RAB3GAP1: variants seen among roughly 807,000 people sequenced by gnomAD.
The protein encoded by RAB3GAP1 is RAB3 GTPase activating protein catalytic subunit 1, also known as rab3 GTPase-activating protein catalytic subunit.
RAB3GAP1 carries 86 observed loss-of-function variants against 130.7 expected under a neutral mutation model. The ratio of observed to expected loss-of-function variants is 0.66; its 90% CI spans 0.55 to 0.79. The LOEUF is 0.79. Among genes scored for constraint, RAB3GAP1 ranks in the 30% least tolerant of loss-of-function variants. The pLI is 0.00. For missense variants in RAB3GAP1, 1,029 were observed against 1,169.4 expected, an observed-to-expected ratio of 0.88 and a Z score of 1.75; for synonymous variants, 367 against 401.7, an observed-to-expected ratio of 0.91 and a Z score of 1.03.
intron 7 of RAB3GAP1, among the ~76,000 whole-genome samples, chr2:135,119,133 G>A (rs1367947604): frequency 7.8e-6 from 1 of 128,610 alleles, no homozygotes; most frequent in Non-Finnish European, 1.6e-5. Context: ...TTTTGAGACA[G>A]GGCTTCACTC....
chr2:135,120,072 G>C (rs1178356711), intron 7 of RAB3GAP1, among the ~76,000 whole-genome samples: 1 of 152,040 alleles, frequency 6.6e-6, no homozygotes, highest in East Asian at 1.9e-4. Flanking sequence ...GCTTTAATTT[G>C]AGTTTATTTT....
chr2:135,135,435 TAGTC>T (rs1390743744), intron 16 of RAB3GAP1, 116 bp downstream of exon 16: 1 of 1,426,088 alleles, frequency 7.0e-7, no homozygotes, highest in Non-Finnish European at 9.8e-7. Flanking sequence ...AGGTTGCCTA[TAGTC>T]AGTAGTCACT....
rs1164520454 is a variant in RAB3GAP1 at position 135,117,786 on chromosome 2, GCTT to G, written c.648+2427_648+2429del. Among the ~76,000 whole-genome samples, 339 of 119,242 alleles carry G rather than the reference GCTT, an allele frequency of 2.8e-3. 1 individual carries two copies. The highest frequency in any genetic ancestry group is 0.018 in the East Asian group (80 of 4,432). The allele number at this position is 119,242 out of a possible 152,430, so 78.2% of individuals were successfully genotyped here. A position where few individuals can be genotyped will look rare whatever the true frequency, so the allele number is the denominator to read the frequency against. On this transcript the variant is annotated intron_variant, in intron 7 of 23. Coordinates refer to ENST00000264158, the MANE Select transcript of RAB3GAP1 (RefSeq NM_012233.3). ...TTCTGCTGCTTCTTCTGCTTCTTCTGCTTCTTCTTCTTCTTCTTCTTCTTTCTT... is the reference window on the plus strand; with the variant it reads ...TTCTGCTGCTTCTTCTGCTTCTTCTGCTTCTTCTTCTTCTTCTTCTTTCTT...
intron 5 of RAB3GAP1, among the ~76,000 whole-genome samples, chr2:135,105,718 C>T (rs1309263547): frequency 6.6e-6 from 1 of 151,614 alleles, no homozygotes; most frequent in Non-Finnish European, 1.5e-5. Flanking sequence ...AGGAGCCCCT[C>T]TGCCTGGCTG....
intron 7 of RAB3GAP1, among the ~76,000 whole-genome samples, 178 bp downstream of exon 7, chr2:135,115,559 T>C (rs1690945732): frequency 6.6e-6 from 1 of 152,228 alleles, no homozygotes; most frequent in South Asian, 2.1e-4. Context: ...AAATATCCAA[T>C]TGTATTTTTA....
At chr2:135,097,032 CGTA>C (rs1380343661) in intron 5 of RAB3GAP1, among the ~76,000 whole-genome samples, 1 of 151,894 alleles carries the variant, frequency 6.6e-6, no homozygotes, top group Non-Finnish European at 1.5e-5. Flanking sequence ...TTAAAATCAA[CGTA>C]GTAAAATTGG....
chr2:135,090,903 A>G lies in RAB3GAP1; in HGVS notation c.151-95A>G, dbSNP rs1370033432. ...CTTTGATTGTATGGAGGATATTTAT[A>G]GGGCAGAAAAAGGGGAAAATATCCC... On this transcript the variant is annotated intron_variant, in intron 3 of 23. Transcript: ENST00000264158. 2.7e-6 allele frequency: 3 copies of G among 1,114,916 alleles called. No homozygotes were observed. In the East Asian group the frequency reaches 7.2e-5, roughly 27 times the overall value. The allele number at this position is 1,114,916 out of a possible 1,614,324, so 69.1% of individuals were successfully genotyped here.
chr2:135,097,289 T>TA (rs1690327175), intron 5 of RAB3GAP1, among the ~76,000 whole-genome samples: 1 of 151,570 alleles, frequency 6.6e-6, no homozygotes. Flanking sequence ...CAATCATGGG[T>TA]ACTGTAGCCT....
intron 5 of RAB3GAP1, among the ~76,000 whole-genome samples, chr2:135,104,990 A>G (rs995478616): frequency 9.8e-5 from 15 of 152,306 alleles, no homozygotes; most frequent in Non-Finnish European, 1.8e-4. Context: ...ATCTGAGATG[A>G]TAGAAGAAAG....
At chr2:135,168,443 G>C (rs536995905) in intron 23 of RAB3GAP1, 102 bp from the exon 24 acceptor site, 1 of 963,040 alleles carries the variant, frequency 1.0e-6, no homozygotes, top group South Asian at 1.3e-5. Flanking sequence ...GAGTAACGTG[G>C]GACATTTTCA....
chr2:135,162,763 T>C lies in RAB3GAP1; in HGVS notation c.2402T>C (p.Ile801Thr). The change falls in exon 21 of 24, where the codon ATT becomes ACT. Residue 801 changes from isoleucine (I) to threonine (T), a missense_variant. Ile to Thr is a moderately conservative substitution (Grantham distance 89). This residue lies in a region of RAB3GAP1 where 373 missense variants were observed against 493.6 expected (regional missense o/e 0.76). Transcript: ENST00000264158. ...TCTAAAATAGAAAGTCTCGAAAACA[T>C]TTCTTCAGTTAAGAAGATCATAAAG... ...KVKEEESLENISSVKKIIKQI... is the reference protein window; with the variant it reads ...KVKEEESLENTSSVKKIIKQI... 1 of 1,613,518 alleles carries C rather than the reference T, an allele frequency of 6.2e-7. No homozygotes were observed.
In RAB3GAP1 at chr2:135,165,234, AATT is replaced by A. The variant is rs565708575; in HGVS notation, c.2709+541_2709+543del. On this transcript the variant is annotated intron_variant, in intron 23 of 23. Coordinates refer to ENST00000264158, the MANE Select transcript of RAB3GAP1 (RefSeq NM_012233.3). ...CACAGAAAGAAAGCCCAGTTTGAAA[AATT>A]ATCATAACCATTACCTCTAGTAGTG... 1.5e-3 allele frequency: 655 copies of A among 438,796 alleles called. 3 individuals carry two copies. The highest frequency in any genetic ancestry group is 5.9e-3 in the African/African-American group (287 of 48,664). 27.2% of individuals were successfully genotyped at this position (438,796 alleles called of 1,614,324 possible). A position where few individuals can be genotyped will look rare whatever the true frequency, so the allele number is the denominator to read the frequency against.
At chr2:135,083,696 C>G (rs1156422965) in intron 3 of RAB3GAP1, among the ~76,000 whole-genome samples, 1 of 150,158 alleles carries the variant, frequency 6.7e-6, no homozygotes, top group Non-Finnish European at 1.5e-5. Flanking sequence ...AACTCTTGGC[C>G]TCAAGCAATC....
intron 2 of RAB3GAP1, 36 bp from the exon 3 acceptor site, chr2:135,057,975 G>A: frequency 7.2e-7 from 1 of 1,386,574 alleles, no homozygotes; most frequent in South Asian, 1.2e-5. Flanking sequence ...AAAAAGGTGT[G>A]CTGTTGTATT....
intron 18 of RAB3GAP1, among the ~76,000 whole-genome samples, chr2:135,152,234 A>G (rs2104980766): frequency 6.6e-6 from 1 of 152,326 alleles, no homozygotes; most frequent in East Asian, 1.9e-4. Context: ...GGGCACCTAC[A>G]CCTACACCTC....
At chr2:135,103,876 G>A (rs915439750) in intron 5 of RAB3GAP1, among the ~76,000 whole-genome samples, 4 of 152,274 alleles carry the variant, frequency 2.6e-5, no homozygotes, top group Non-Finnish European at 5.9e-5. Context: ...AATTTAACAA[G>A]GAGATCTTGT....
chr2:135,136,382 A>G (rs1365485132), intron 17 of RAB3GAP1, among the ~76,000 whole-genome samples: 2 of 152,196 alleles, frequency 1.3e-5, no homozygotes, highest in Non-Finnish European at 1.5e-5. Context: ...GTTTAAAGAA[A>G]CTAAAGGTAA....
chr2:135,079,175 G>A (rs556037534), intron 3 of RAB3GAP1, among the ~76,000 whole-genome samples: 2 of 152,194 alleles, frequency 1.3e-5, no homozygotes, highest in South Asian at 4.2e-4. Flanking sequence ...AGCCAGAAAT[G>A]TGGTTTCACC....
chr2:135,143,555 A>AT (rs1691906650), intron 17 of RAB3GAP1, among the ~76,000 whole-genome samples: 2 of 140,798 alleles, frequency 1.4e-5, no homozygotes, highest in African/African-American at 5.5e-5. Flanking sequence ...GTAACATGCT[A>AT]CTTTTTTTTT....
Sources: gnomAD v4.1 joint callset for allele counts (sites outside exome capture counted in the v4.1 genomes callset) on GRCh38, gnomAD v4.1.1 for gene constraint, gnomAD v4.1.1 regional missense constraint, MANE v1.5 for transcripts, NCBI Gene and HGNC (gene_info 2026-07-23, HGNC 2026-07-21) for gene names.